Variants in SLC25A40 observed in about 807,000 individuals in gnomAD.
SLC25A40 encodes mitochondrial glutathione transporter SLC25A40.
Under a neutral mutation model 46.5 loss-of-function variants are expected in SLC25A40, and 41 were observed. That is an observed-to-expected ratio of 0.88 (90% CI 0.69 to 1.14). The LOEUF (loss-of-function observed/expected upper bound fraction) is 1.14. Ranked by LOEUF, SLC25A40 falls within the 50% of genes most tolerant of loss-of-function variation. The pLI, the probability that SLC25A40 is intolerant of heterozygous loss-of-function variation, is 0.00. For missense variants in SLC25A40, 386 were observed against 393.6 expected, an observed-to-expected ratio of 0.98 and a Z score of 0.16; for synonymous variants, 126 against 127.5, an observed-to-expected ratio of 0.99 and a Z score of 0.08.
In SLC25A40 at chr7:87,835,778, A is replaced by G. The variant is rs1199125905; in HGVS notation, c.*471T>C. ...GAAACAGGCAATATTTGGTCGATGT[A>G]AACAATGCTATTTAACGAGTGCTTT... On this transcript the variant is annotated 3_prime_UTR_variant, in exon 12 of 12. Transcript: ENST00000341119. The G allele has an allele frequency of 6.6e-6, 1 of 152,202 alleles. No homozygotes were observed. The highest frequency in any genetic ancestry group is 1.5e-5 in the Non-Finnish European group (1 of 68,112). 9.4% of individuals were successfully genotyped at this position (152,202 alleles called of 1,614,324 possible).
chr7:87,840,363 A>G (rs1236596890), intron 10 of SLC25A40, among the ~76,000 whole-genome samples: 2 of 151,716 alleles, frequency 1.3e-5, no homozygotes, highest in African/African-American at 4.8e-5. Context: ...AGCTGTAGGT[A>G]TATTGAATAA....
intron 4 of SLC25A40, among the ~76,000 whole-genome samples, chr7:87,854,809 C>CA (rs1193322764): frequency 0.072 from 3,845 of 53,084 alleles, 260 homozygotes; most frequent in African/African-American, 0.2. Flanking sequence ...AAGACTGTCT[C>CA]AAAAAAAAAA....
Position 87,859,012 on chromosome 7 carries a change from T to A in SLC25A40, c.-24-261A>T, listed in dbSNP as rs982587638. On this transcript the variant is annotated intron_variant, in intron 2 of 11. Transcript: ENST00000341119. ...CAGCCCTTTATTGTATACCAGTAGT[T>A]GTTGTACAGATGTAAAATAAAAACA... is the stretch of plus-strand genomic sequence containing the variant. 2.6e-5 allele frequency among the ~76,000 whole-genome samples: 4 copies of A among 152,260 alleles called. No individual in the cohort carries two copies. In the East Asian group the frequency reaches 7.7e-4, roughly 29 times the overall value.
chr7:87,870,692 T>A (rs1479829171), intron 1 of SLC25A40, among the ~76,000 whole-genome samples: 1 of 151,972 alleles, frequency 6.6e-6, no homozygotes, highest in South Asian at 2.1e-4. Flanking sequence ...TACTTCAGAG[T>A]GATGGCTTGA....
intron 10 of SLC25A40, 150 bp downstream of exon 10, chr7:87,841,483 C>G (rs1238433865): frequency 2.5e-6 from 1 of 405,558 alleles, no homozygotes; most frequent in African/African-American, 2.1e-5. Flanking sequence ...TCTGGGTATT[C>G]CATTCTAACA....
At chr7:87,863,003 GA>G (rs1345987728) in intron 1 of SLC25A40, among the ~76,000 whole-genome samples, 2 of 152,086 alleles carry the variant, frequency 1.3e-5, no homozygotes, top group African/African-American at 4.8e-5. Flanking sequence ...TCTTGGTGGG[GA>G]TACAGCCAAA....
intron 10 of SLC25A40, among the ~76,000 whole-genome samples, chr7:87,837,642 ATTTG>A (rs964759562): frequency 5.9e-5 from 9 of 151,266 alleles, no homozygotes; most frequent in African/African-American, 2.2e-4. Flanking sequence ...TATAAACAAA[ATTTG>A]TTTATTTTCG....
intron 2 of SLC25A40, among the ~76,000 whole-genome samples, 178 bp downstream of exon 2, chr7:87,860,394 C>T (rs568441109): frequency 6.6e-6 from 1 of 152,172 alleles, no homozygotes; most frequent in South Asian, 2.1e-4. Flanking sequence ...GTCCCTTCAC[C>T]ATAAATACAT....
Position 87,843,885 on chromosome 7 carries a change from T to A in SLC25A40, c.632-22A>T, listed in dbSNP as rs771878985. The stretch of plus-strand genomic sequence containing the variant: ...ATTGCTATAAAAACAGAGAATGAAA[T>A]GAACACATATTTAGAAATAAAATGT... On this transcript the variant is annotated intron_variant, in intron 8 of 11. Transcript: ENST00000341119. The A allele has an allele frequency of 1.3e-5, 20 of 1,525,444 alleles. No homozygotes were observed. In the South Asian group the frequency reaches 2.2e-4, roughly 17 times the overall value. The allele number at this position is 1,525,444 out of a possible 1,614,324, so 94.5% of individuals were successfully genotyped here. A position where few individuals can be genotyped will look rare whatever the true frequency, so the allele number is the denominator to read the frequency against.
At chr7:87,871,236 G>A (rs1838891407) in intron 1 of SLC25A40, among the ~76,000 whole-genome samples, 1 of 152,206 alleles carries the variant, frequency 6.6e-6, no homozygotes, top group African/African-American at 2.4e-5. Flanking sequence ...AATGATACAG[G>A]CTGCCATGCT....
At chr7:87,847,749 A>G in intron 7 of SLC25A40, 104 bp downstream of exon 7, 1 of 1,118,388 alleles carries the variant, frequency 8.9e-7, no homozygotes, top group East Asian at 2.9e-5. Context: ...TGCAAAATAT[A>G]TCATACTAAT....
At chr7:87,859,251 G>A (rs1003511648) in intron 2 of SLC25A40, among the ~76,000 whole-genome samples, 1 of 152,014 alleles carries the variant, frequency 6.6e-6, no homozygotes, top group Non-Finnish European at 1.5e-5. Flanking sequence ...TCGGGAGATC[G>A]AGACCAACCT....
At chr7:87,874,836 C>T (rs1197587046) in intron 1 of SLC25A40, among the ~76,000 whole-genome samples, 2 of 152,202 alleles carry the variant, frequency 1.3e-5, no homozygotes, top group African/African-American at 4.8e-5. Context: ...CTTCCCAATT[C>T]TGTGGCATTT....
chr7:87,845,073 G>C (rs886550322), intron 8 of SLC25A40, among the ~76,000 whole-genome samples: 6 of 152,052 alleles, frequency 3.9e-5, no homozygotes, highest in Non-Finnish European at 8.8e-5. Context: ...AGCCGTGACT[G>C]TGCCACTGCA....
At chr7:87,869,207 C>T (rs1010911904) in intron 1 of SLC25A40, among the ~76,000 whole-genome samples, 1 of 152,090 alleles carries the variant, frequency 6.6e-6, no homozygotes, top group Non-Finnish European at 1.5e-5. Flanking sequence ...CAACTTGCTT[C>T]TACACCACCA....
intron 1 of SLC25A40, among the ~76,000 whole-genome samples, chr7:87,874,331 A>C (rs568526242): frequency 6.6e-6 from 1 of 152,306 alleles, no homozygotes; most frequent in Non-Finnish European, 1.5e-5. Context: ...TTTTTTAAAA[A>C]AAAGTTCCTC....
chr7:87,856,253 A>C, intron 4 of SLC25A40, 39 bp downstream of exon 4: 2 of 1,492,336 alleles, frequency 1.3e-6, no homozygotes, highest in Non-Finnish European at 1.8e-6. Context: ...AACATTTAAA[A>C]ATCAAACATA....
rs1838224671 is a variant in SLC25A40 at position 87,833,883 on chromosome 7, AC to A, written c.*2365del. ...GTTCCAAGAGGGAAAAATTTAAAAA[AC>A]ATATGCAGTTAAATAACCATAATGA... On this transcript the variant is annotated 3_prime_UTR_variant, in exon 12 of 12. Coordinates refer to ENST00000341119, the MANE Select transcript of SLC25A40 (RefSeq NM_018843.4). 6.6e-6 allele frequency: 1 copy of A among 151,834 alleles called. No individual in the cohort carries two copies. Among genetic ancestry groups the A allele is most frequent in the South Asian group, 2.1e-4 (1 of 4,830 alleles). 9.4% of individuals were successfully genotyped at this position (151,834 alleles called of 1,614,324 possible).
chr7:87,836,468 A>G (rs950794753), intron 11 of SLC25A40, 107 bp from the exon 12 acceptor site: 24 of 705,370 alleles, frequency 3.4e-5, no homozygotes, highest in East Asian at 1.6e-4. Flanking sequence ...AAATGAAGTA[A>G]TATGTTCAAA....
Sources: gnomAD v4.1 joint callset for allele counts (sites outside exome capture counted in the v4.1 genomes callset) on GRCh38, gnomAD v4.1.1 for gene constraint, MANE v1.5 for transcripts, NCBI Gene and HGNC (gene_info 2026-07-23, HGNC 2026-07-21) for gene names.